Variants in TBC1D9 observed in about 807,000 individuals in gnomAD.
TBC1D9 encodes the protein TBC1 domain family member 9, also known as TBC1 domain family member 9A.
A neutral mutation model predicts 132.0 loss-of-function variants in TBC1D9; 63 were observed. That is an observed-to-expected ratio of 0.48 (90% CI 0.39 to 0.59). The LOEUF (loss-of-function observed/expected upper bound fraction) is 0.59. TBC1D9 is among the 20% of genes least tolerant of loss of function. The probability of loss-of-function intolerance (pLI) is 0.00; values close to 1 mark genes in which losing one functional copy is unlikely to be tolerated. For missense variants in TBC1D9, 1,261 were observed against 1,592.7 expected (o/e 0.79, Z 3.54); for synonymous variants, 610 against 609.9 (o/e 1.00, Z 0.00).
chr4:140,667,355 A>G (rs952138552), intron 9 of TBC1D9, among the ~76,000 whole-genome samples: 2 of 152,064 alleles, frequency 1.3e-5, no homozygotes, highest in South Asian at 2.1e-4. Flanking sequence ...GTTTCCTGGT[A>G]CTCGTTTTGA....
intron 13 of TBC1D9, among the ~76,000 whole-genome samples, chr4:140,641,382 G>T (rs1164411980): frequency 6.6e-6 from 1 of 152,274 alleles, no homozygotes; most frequent in East Asian, 1.9e-4. Flanking sequence ...TACTCCCCAG[G>T]AATTTGCAAC....
chr4:140,640,902 AGATT>A (rs1736977896), intron 13 of TBC1D9, among the ~76,000 whole-genome samples: 1 of 141,436 alleles, frequency 7.1e-6, no homozygotes, highest in Non-Finnish European at 1.5e-5. Flanking sequence ...ATATATATAT[AGATT>A]TATTTTACTT....
intron 15 of TBC1D9, among the ~76,000 whole-genome samples, chr4:140,637,054 G>A (rs1289468365): frequency 7.2e-5 from 11 of 152,168 alleles, no homozygotes; most frequent in Admixed American, 7.2e-4. Context: ...CAGTGCCCAG[G>A]TTAAGATGTG....
intron 1 of TBC1D9, among the ~76,000 whole-genome samples, chr4:140,729,187 G>A (rs993282135): frequency 3.3e-5 from 5 of 152,030 alleles, no homozygotes; most frequent in Non-Finnish European, 5.9e-5. Flanking sequence ...TTCCCATAAC[G>A]ACAGGATGAA....
intron 1 of TBC1D9, among the ~76,000 whole-genome samples, chr4:140,708,878 ATAT>A (rs1560892165): frequency 6.6e-6 from 1 of 152,124 alleles, no homozygotes; most frequent in Non-Finnish European, 1.5e-5. Context: ...AAAGAGTATT[ATAT>A]TATTCTCAGG....
chr4:140,661,814 C>T, intron 10 of TBC1D9, 79 bp downstream of exon 10: 2 of 1,241,626 alleles, frequency 1.6e-6, no homozygotes, highest in Non-Finnish European at 2.3e-6. Context: ...TAACCATAAA[C>T]CTTCCTTCCC....
At position 140,661,919 on chromosome 4, in the gene TBC1D9, G is replaced by T; in HGVS notation, c.1777C>A (p.Arg593=). Residue 593 remains arginine, a synonymous_variant, in exon 10 of 21, where the codon CGA becomes AGA. Transcript: ENST00000442267. ...TGGCAATACCCTATGTTGGGATTTC[G>T]AAAAGCATAAGCTGTTAAGACTCTC... ...LRRVLTAYAF[R]NPNIGYCQAM... The T allele has an allele frequency of 6.2e-7, 1 of 1,613,818 alleles. No homozygotes were observed.
At chr4:140,686,607 AG>A (rs1245988528) in intron 2 of TBC1D9, 145 bp from the exon 3 acceptor site, 2 of 583,436 alleles carry the variant, frequency 3.4e-6, no homozygotes, top group Non-Finnish European at 6.0e-6. Context: ...TCTCCTCCAG[AG>A]GAGACACACA....
At chr4:140,748,818 G>A (rs1738878948) in intron 1 of TBC1D9, among the ~76,000 whole-genome samples, 1 of 152,160 alleles carries the variant, frequency 6.6e-6, no homozygotes, top group Non-Finnish European at 1.5e-5. Context: ...TGTTTTTCTG[G>A]CAGTGGAAAA....
At chr4:140,644,224 T>TG in intron 13 of TBC1D9, 2 of 333,166 alleles carry the variant, frequency 6.0e-6, no homozygotes, top group Non-Finnish European at 1.2e-5. Flanking sequence ...TGGAAAGTGC[T>TG]GGGGGCTTCC....
At chr4:140,641,305 T>C (rs746130967) in intron 13 of TBC1D9, among the ~76,000 whole-genome samples, 29 of 152,162 alleles carry the variant, frequency 1.9e-4, no homozygotes, top group Admixed American at 5.9e-4. Context: ...AACAGTTACA[T>C]GAGTGTATTA....
chr4:140,631,221 C>A (rs186504143), intron 16 of TBC1D9, among the ~76,000 whole-genome samples: 2 of 152,272 alleles, frequency 1.3e-5, no homozygotes, highest in Admixed American at 1.3e-4. Context: ...GACAGAAACC[C>A]CTCATTTCTT....
At chr4:140,649,752 CAGG>C (rs1737159702) in intron 13 of TBC1D9, among the ~76,000 whole-genome samples, 1 of 151,976 alleles carries the variant, frequency 6.6e-6, no homozygotes, top group Non-Finnish European at 1.5e-5. Flanking sequence ...GCAGAGGAGG[CAGG>C]AGATGATAAG....
intron 13 of TBC1D9, among the ~76,000 whole-genome samples, chr4:140,655,425 A>T (rs529618540): frequency 2.6e-5 from 4 of 152,304 alleles, no homozygotes; most frequent in African/African-American, 9.6e-5. Flanking sequence ...ATCTCACTCC[A>T]TTCCTCACTA....
intron 1 of TBC1D9, among the ~76,000 whole-genome samples, chr4:140,747,017 A>AAAATAAAT (rs375774605): frequency 1.3e-4 from 19 of 151,260 alleles, no homozygotes; most frequent in South Asian, 1.0e-3. Context: ...ATAAAAATAA[A>AAAATAAAT]AAATAAATAA....
In TBC1D9 at chr4:140,679,171, G is replaced by A; in HGVS notation, c.622C>T (p.Gln208Ter). The A allele has an allele frequency of 6.2e-7, 1 of 1,613,818 alleles. No homozygotes were observed. Among genetic ancestry groups the A allele is most frequent in the Non-Finnish European group, 8.5e-7 (1 of 1,179,818 alleles). The change falls in exon 5 of 21, where the codon CAG becomes TAG. Residue 208 changes from glutamine to a stop codon, truncating the protein, a stop_gained. Transcript: ENST00000442267. LOFTEE classifies it high-confidence loss of function. ...AGCAGGGTGGCATTCTTCTCAAGCTGAGTGATGTCTACCCACCGGATGACC... is the reference window on the plus strand; with the variant it reads ...AGCAGGGTGGCATTCTTCTCAAGCTAAGTGATGTCTACCCACCGGATGACC... ...KLVIRWVDIT[Q>*]LEKNATLLLP... is the part of the protein sequence containing the mutation.
At chr4:140,699,408 A>C (rs757343202) in intron 2 of TBC1D9, among the ~76,000 whole-genome samples, 1 of 152,198 alleles carries the variant, frequency 6.6e-6, no homozygotes, top group Non-Finnish European at 1.5e-5. Context: ...ACCTAAAAAA[A>C]CACTATTTCA....
intron 16 of TBC1D9, among the ~76,000 whole-genome samples, chr4:140,631,269 C>T (rs1736791245): frequency 6.6e-6 from 1 of 152,250 alleles, no homozygotes; most frequent in Non-Finnish European, 1.5e-5. Context: ...GTTGCCCAGG[C>T]TGGAGTGCAG....
intron 6 of TBC1D9, among the ~76,000 whole-genome samples, chr4:140,675,775 C>T (rs1474304758): frequency 2.0e-5 from 3 of 152,120 alleles, no homozygotes; most frequent in Non-Finnish European, 2.9e-5. Context: ...GGAAATCAGC[C>T]GAGCAGAGCC....
Sources: gnomAD v4.1 joint callset for allele counts (sites outside exome capture counted in the v4.1 genomes callset) on GRCh38, gnomAD v4.1.1 for gene constraint, MANE v1.5 for transcripts, NCBI Gene and HGNC (gene_info 2026-07-23, HGNC 2026-07-21) for gene names.